Variants in PTPN18 observed in about 807,000 individuals in gnomAD.
PTPN18 encodes the protein protein tyrosine phosphatase non-receptor type 18.
Under a neutral mutation model 65.4 loss-of-function variants are expected in PTPN18, and 65 were observed. That is an observed-to-expected ratio of 0.99 (90% CI 0.81 to 1.22). The LOEUF is 1.22. Among genes scored for constraint, PTPN18 ranks in the 50% most tolerant of loss-of-function variants. The probability of loss-of-function intolerance (pLI) is 0.00; values close to 1 mark genes in which losing one functional copy is unlikely to be tolerated. For synonymous variants in PTPN18, 255 were observed against 267.8 expected, an observed-to-expected ratio of 0.95 and a Z score of 0.47; for missense variants, 616 against 646.5, an observed-to-expected ratio of 0.95 and a Z score of 0.51.
Position 130,372,370 on chromosome 2 carries a change from CG to C in PTPN18, c.1131del (p.Thr378ArgfsTer15). ...AGTGGGACGCAGACGGGGACGGGGA[CG>C]GGGACGGGGGCGCGCAGCGCGGAGG... ...AGSGTQTGTG[T>X]GTGARSAEEA... On this transcript the variant is annotated frameshift_variant, in exon 13 of 15. Coordinates refer to ENST00000175756, the MANE Select transcript of PTPN18 (RefSeq NM_014369.4). LOFTEE classifies it high-confidence loss of function. 7.3e-7 allele frequency: 1 copy of C among 1,365,770 alleles called. No individual in the cohort carries two copies. The allele number at this position is 1,365,770 out of a possible 1,614,324, so 84.6% of individuals were successfully genotyped here. A position where few individuals can be genotyped will look rare whatever the true frequency, so the allele number is the denominator to read the frequency against.
intron 5 of PTPN18, among the ~76,000 whole-genome samples, chr2:130,364,229 C>T (rs551573614): frequency 6.6e-4 from 100 of 152,266 alleles, no homozygotes; most frequent in African/African-American, 2.0e-3. Context: ...ACTCCCCATT[C>T]CCCCATTTCC....
At chr2:130,361,436 C>A (rs1379016379) in intron 5 of PTPN18, among the ~76,000 whole-genome samples, 11 of 152,010 alleles carry the variant, frequency 7.2e-5, no homozygotes, top group Non-Finnish European at 1.5e-4. Flanking sequence ...TATGTAATGA[C>A]TCTTTATTTG....
chr2:130,366,090 A>G (rs1315515127), intron 5 of PTPN18, among the ~76,000 whole-genome samples: 2 of 152,224 alleles, frequency 1.3e-5, no homozygotes, highest in African/African-American at 4.8e-5. Flanking sequence ...CATGGCAAGC[A>G]TAAATGTTTA....
chr2:130,366,649 A>C (rs1377026761), intron 5 of PTPN18, among the ~76,000 whole-genome samples: 1 of 152,178 alleles, frequency 6.6e-6, no homozygotes, highest in African/African-American at 2.4e-5. Context: ...GTTTTTTGCA[A>C]GAGTTTGTGA....
At position 130,359,277 on chromosome 2, in the gene PTPN18, C is replaced by G. The variant is rs1202308387; in HGVS notation, c.247C>G (p.His83Asp). 1.2e-6 allele frequency: 2 copies of G among 1,614,174 alleles called. No homozygotes were observed. The highest frequency in any genetic ancestry group is 2.2e-5 in the South Asian group (2 of 91,086). The change falls in exon 3 of 15, where the codon CAC becomes GAC. Residue 83 changes from histidine to aspartate, a missense_variant. Physicochemically the swap from His to Asp is moderately conservative, Grantham distance 81. This residue lies in a region of PTPN18 where 223 missense variants were observed against 210.0 expected (regional missense o/e 1.06). Transcript: ENST00000175756. The part of the protein sequence containing the change: ...VILSLLQEEG[H>D]SDYINGNFIR... Reference sequence around the variant, plus strand: ...CCTCTCCCTGCTCCAGGAAGAGGGACACAGCGACTACATTAATGGCAACTT... The same window carrying G: ...CCTCTCCCTGCTCCAGGAAGAGGGAGACAGCGACTACATTAATGGCAACTT...
At chr2:130,362,968 T>C (rs922820881) in intron 5 of PTPN18, among the ~76,000 whole-genome samples, 4 of 151,740 alleles carry the variant, frequency 2.6e-5, no homozygotes, top group Admixed American at 1.3e-4. Flanking sequence ...TACAGGCGCC[T>C]GCCACCACGC....
chr2:130,362,798 C>G lies in PTPN18; in HGVS notation c.414+3152C>G, dbSNP rs369108217. Among the ~76,000 whole-genome samples the G allele has an allele frequency of 2.4e-4, 37 of 152,100 alleles. 2 individuals carry two copies. Among genetic ancestry groups the G allele is most frequent in the African/African-American group, 8.4e-4 (35 of 41,516 alleles). On this transcript the variant is annotated intron_variant, in intron 5 of 14. Transcript: ENST00000175756. ...ATATTCCTGAGCTATGCAACTATTA[C>G]CACAGTAAGATTTTTGTTTTTGTTT...
intron 12 of PTPN18, among the ~76,000 whole-genome samples, chr2:130,371,686 G>C (rs544242549): frequency 6.6e-6 from 1 of 152,300 alleles, no homozygotes; most frequent in Admixed American, 6.5e-5. Context: ...GTGCTGGTGA[G>C]AGCCTGTAAT....
chr2:130,370,445 T>A, intron 8 of PTPN18, 112 bp from the exon 9 acceptor site: 1 of 1,288,540 alleles, frequency 7.8e-7, no homozygotes, highest in Non-Finnish European at 1.1e-6. Context: ...ATTCTGGGAA[T>A]CAAGAGGCTC....
intron 12 of PTPN18, 109 bp from the exon 13 acceptor site, chr2:130,372,148 C>A: frequency 9.2e-7 from 1 of 1,090,472 alleles, no homozygotes; most frequent in Non-Finnish European, 1.3e-6. Context: ...CCATCTAGCG[C>A]ACCGCCTCGG....
chr2:130,373,000 A>C lies in PTPN18; in HGVS notation c.1315+53A>C, dbSNP rs1680630853. 3.1e-6 allele frequency: 5 copies of C among 1,605,754 alleles called. No homozygotes were observed. The East Asian group carries it at 1.1e-4, about 36-fold the overall frequency. On this transcript the variant is annotated intron_variant, in intron 14 of 14. Transcript: ENST00000175756. ...GGACTTTGCTGCTTTGAGTGAACCC[A>C]GGAGTCTGGGGTTGATGGGGCATGG...
intron 5 of PTPN18, among the ~76,000 whole-genome samples, chr2:130,367,965 T>G (rs1404050026): frequency 2.0e-5 from 3 of 152,182 alleles, no homozygotes; most frequent in Non-Finnish European, 2.9e-5. Flanking sequence ...TCATTTTGAA[T>G]TATTTATATT....
Position 130,373,485 on chromosome 2 carries a change from GT to G in PTPN18, c.*263del. The G allele has an allele frequency of 2.7e-6, 1 of 368,144 alleles. No individual in the cohort carries two copies. Among genetic ancestry groups the G allele is most frequent in the Admixed American group, 4.4e-5 (1 of 22,670 alleles). The allele number at this position is 368,144 out of a possible 1,614,324, so 22.8% of individuals were successfully genotyped here. A position where few individuals can be genotyped will look rare whatever the true frequency, so the allele number is the denominator to read the frequency against. ...GATCAGGAAGGGGCATGACCCCTGA[GT>G]TATGAAGGGGAGAAGGGACAGATGA... On this transcript the variant is annotated 3_prime_UTR_variant, in exon 15 of 15. Coordinates refer to ENST00000175756, the MANE Select transcript of PTPN18 (RefSeq NM_014369.4). This position sits in a 1 kb window ranked among gnomAD's most constrained non-coding sequence, Gnocchi z 4.1.
In PTPN18 at chr2:130,374,767, A is replaced by T; in HGVS notation, c.*1543A>T. ...CACCCCTGTCCTGCCCTTCTCTGGG[A>T]TAGGGCTGGCCTTCCTCTGCCTCTG... On this transcript the variant is annotated 3_prime_UTR_variant, in exon 15 of 15. Transcript: ENST00000175756. 1 of 460,656 alleles carries T rather than the reference A, an allele frequency of 2.2e-6. No homozygotes were observed. 28.5% of individuals were successfully genotyped at this position (460,656 alleles called of 1,614,324 possible).
chr2:130,356,905 C>T (rs1267985901), intron 1 of PTPN18, among the ~76,000 whole-genome samples: 1 of 152,192 alleles, frequency 6.6e-6, no homozygotes, highest in Non-Finnish European at 1.5e-5. Flanking sequence ...AGATTCTAAA[C>T]GTGGGCCAGG....
At position 130,370,140 on chromosome 2, in the gene PTPN18, AGCCCG is replaced by A. The variant is rs1680507217; in HGVS notation, c.640_644del (p.Ala214SerfsTer8). ...ACCACATGCTCGCCATGGTGGAGGA[AGCCCG>A]TCGCCTCCAGGGATCTGGCCCTGAA... On this transcript the variant is annotated frameshift_variant, in exon 8 of 15. Coordinates refer to ENST00000175756, the MANE Select transcript of PTPN18 (RefSeq NM_014369.4). LOFTEE classifies it high-confidence loss of function. The A allele has an allele frequency of 6.2e-7, 1 of 1,613,982 alleles. No homozygotes were observed. The highest frequency in any genetic ancestry group is 8.5e-7 in the Non-Finnish European group (1 of 1,180,028).
In PTPN18 at chr2:130,370,053, C is replaced by G; in HGVS notation, c.552C>G (p.Ser184=). Residue 184 remains serine, a synonymous_variant, in exon 8 of 15, where the codon TCC becomes TCG. Coordinates refer to ENST00000175756, the MANE Select transcript of PTPN18 (RefSeq NM_014369.4). ...CATCTTTTTCTGTGTTTCAGGAGTC[C>G]CGTTCTGTGTACCAGCTACAGTATA... ...RTLKVTFQKE[S]RSVYQLQYMS... The G allele has an allele frequency of 6.2e-7, 1 of 1,613,722 alleles. No homozygotes were observed. The highest frequency in any genetic ancestry group is 8.5e-7 in the Non-Finnish European group (1 of 1,179,856).
At position 130,369,189 on chromosome 2, in the gene PTPN18, C is replaced by G; in HGVS notation, c.471C>G (p.Phe157Leu). 1 of 1,613,214 alleles carries G rather than the reference C, an allele frequency of 6.2e-7. No homozygotes were observed. The highest frequency in any genetic ancestry group is 8.5e-7 in the Non-Finnish European group (1 of 1,179,406). Residue 157 changes from phenylalanine (F) to leucine (L), a missense_variant, in exon 6 of 15, where the codon TTC becomes TTG. Coordinates refer to ENST00000175756, the MANE Select transcript of PTPN18 (RefSeq NM_014369.4). ...QEQEPLQTGL[F>L]CITLIKEKWL... ...AGGAGCCACTGCAGACTGGGCTTTT[C>G]TGCATCACTCTGGTGAGCTGTGGGA...
Position 130,374,872 on chromosome 2 carries a change from G to A in PTPN18, c.*1648G>A, listed in dbSNP as rs970983845. ...GCAGCCTTCAATCAAGGAATGATGGGGATGTGTACATACCCCACCCCACCC... is the reference window on the plus strand; with the variant it reads ...GCAGCCTTCAATCAAGGAATGATGGAGATGTGTACATACCCCACCCCACCC... On this transcript the variant is annotated 3_prime_UTR_variant, in exon 15 of 15. Transcript: ENST00000175756. 1 of 354,616 alleles carries A rather than the reference G, an allele frequency of 2.8e-6. No homozygotes were observed. Among genetic ancestry groups the A allele is most frequent in the South Asian group, 2.1e-5 (1 of 47,892 alleles). The allele number at this position is 354,616 out of a possible 1,614,324, so 22.0% of individuals were successfully genotyped here. A position where few individuals can be genotyped will look rare whatever the true frequency, so the allele number is the denominator to read the frequency against.
Sources: allele counts gnomAD v4.1 joint callset (sites outside exome capture counted in the v4.1 genomes callset), GRCh38; gene constraint gnomAD v4.1.1; regional missense constraint gnomAD v4.1.1; non-coding constraint Gnocchi (gnomAD v3.1); transcripts MANE v1.5; gene names NCBI Gene and HGNC (gene_info 2026-07-23, HGNC 2026-07-21).